Variants in TMEM258 observed in about 807,000 individuals in gnomAD.
TMEM258 encodes dolichyl-diphosphooligosaccharide--protein glycosyltransferase subunit TMEM258.
Under a neutral mutation model 9.9 loss-of-function variants are expected in TMEM258, and 11 were observed. That is an observed-to-expected ratio of 1.11 (90% CI 0.70 to 1.85). TMEM258 has a LOEUF of 1.85. Among genes scored for constraint, TMEM258 ranks in the 40% most tolerant of loss-of-function variants. The probability of loss-of-function intolerance (pLI) is 0.00; values close to 1 mark genes in which losing one functional copy is unlikely to be tolerated. For synonymous variants in TMEM258, 40 were observed against 39.1 expected (o/e 1.02, Z -0.09); for missense variants, 81 against 99.7 (o/e 0.81, Z 0.80).
intron 1 of TMEM258, among the ~76,000 whole-genome samples, chr11:61,790,994 C>T (rs766144647): frequency 6.6e-5 from 10 of 152,176 alleles, no homozygotes; most frequent in South Asian, 2.1e-4. Context: ...CTCTGTCGCC[C>T]GGGCTGGAGG....
At chr11:61,791,155 C>T (rs146634293) in intron 1 of TMEM258, among the ~76,000 whole-genome samples, 5 of 152,244 alleles carry the variant, frequency 3.3e-5, no homozygotes, top group African/African-American at 9.6e-5. Context: ...GGGGTTTTGC[C>T]ATGCTGGCCA....
rs36203061 is a variant in TMEM258 at position 61,790,942 on chromosome 11, CT to C, written c.4-341del. ...ACTGGTGGTACCCAGATCTCAATAT[CT>C]TTTTTTTTTGACGGAGTCTCATTTT... On this transcript the variant is annotated intron_variant, in intron 1 of 3. Coordinates refer to ENST00000537328, the MANE Select transcript of TMEM258 (RefSeq NM_014206.4). Among the ~76,000 whole-genome samples, 850 of 149,608 alleles carry C rather than the reference CT, an allele frequency of 5.7e-3. 6 individuals carry two copies. The highest frequency in any genetic ancestry group is 0.019 in the African/African-American group (794 of 40,898).
chr11:61,791,386 C>G (rs1209073342), intron 1 of TMEM258: 1 of 152,022 alleles, frequency 6.6e-6, no homozygotes, highest in Non-Finnish European at 1.5e-5. Context: ...CCTCAGCCTC[C>G]CGAGCAGCTG....
At chr11:61,790,798 G>A (rs1180184455) in intron 1 of TMEM258, among the ~76,000 whole-genome samples, 196 bp from the exon 2 acceptor site, 1 of 152,132 alleles carries the variant, frequency 6.6e-6, no homozygotes, top group Admixed American at 6.5e-5. Context: ...CGTGACTAAA[G>A]GTACGAACTC....
chr11:61,790,727 G>T, intron 1 of TMEM258, 125 bp from the exon 2 acceptor site: 1 of 747,588 alleles, frequency 1.3e-6, no homozygotes, highest in Non-Finnish European at 2.1e-6. Context: ...CGGAAATGTA[G>T]CTGCAGATCA....
chr11:61,792,400 A>G (rs1331435432), intron 1 of TMEM258, 156 bp downstream of exon 1: 2 of 1,080,360 alleles, frequency 1.9e-6, no homozygotes, highest in Non-Finnish European at 2.8e-6. Context: ...AGTTCATGGC[A>G]AGGGGCTTCC....
At chr11:61,791,704 A>G (rs971581540) in intron 1 of TMEM258, 1 of 152,260 alleles carries the variant, frequency 6.6e-6, no homozygotes, top group African/African-American at 2.4e-5. Flanking sequence ...GAACTGAAAA[A>G]TAAGAAAGAT....
intron 1 of TMEM258, 123 bp from the exon 2 acceptor site, chr11:61,790,725 T>C (rs907854234): frequency 2.7e-6 from 2 of 752,222 alleles, no homozygotes; most frequent in Non-Finnish European, 4.3e-6. Context: ...CCCGGAAATG[T>C]AGCTGCAGAT....
intron 2 of TMEM258, 85 bp from the exon 3 acceptor site, chr11:61,790,006 T>G: frequency 6.6e-7 from 1 of 1,507,472 alleles, no homozygotes; most frequent in Non-Finnish European, 8.9e-7. Context: ...GAGAAAAGCA[T>G]TGGCTCAATG....
rs759823178 is a variant in TMEM258, at chr11:61,790,600, C to T, written c.6G>A (p.Glu2=). The stretch of plus-strand genomic sequence containing the variant: ...TGGTATATCTGCTCATGGCCTCGAG[C>T]TCCTAGAGGAGGGAAAGAGATCAGA... The part of the protein sequence containing the change: M[E]LEAMSRYTSP... Residue 2 remains glutamate, a splice_region_variant and synonymous_variant, in exon 2 of 4, where the codon GAG becomes GAA. Transcript: ENST00000537328. The T allele has an allele frequency of 6.2e-7, 1 of 1,612,736 alleles. No homozygotes were observed. The highest frequency in any genetic ancestry group is 1.3e-5 in the African/African-American group (1 of 74,898).
chr11:61,790,132 T>A, intron 2 of TMEM258: 2 of 626,750 alleles, frequency 3.2e-6, no homozygotes, highest in Non-Finnish European at 5.4e-6. Flanking sequence ...TTAGGTCACT[T>A]GCCCCAGGTC....
At chr11:61,790,189 G>A in intron 2 of TMEM258, 1 of 568,780 alleles carries the variant, frequency 1.8e-6, no homozygotes, top group Non-Finnish European at 3.1e-6. Context: ...CAGACCTCCT[G>A]ACACCTGAGT....
chr11:61,790,549 G>A lies in TMEM258; in HGVS notation c.57C>T (p.Pro19=). The change falls in exon 2 of 4, where the codon CCC becomes CCT. Residue 19 remains proline, a synonymous_variant. Transcript: ENST00000537328. ...TGGCCAAAAGCACCACGGTCAGATGGGGGAAGACAGCTGGGTTCACTGGGC... is the reference window on the plus strand; with the variant it reads ...TGGCCAAAAGCACCACGGTCAGATGAGGGAAGACAGCTGGGTTCACTGGGC... ...YTSPVNPAVF[P]HLTVVLLAIG... is the part of the protein sequence containing the mutation. 1 of 1,614,156 alleles carries A rather than the reference G, an allele frequency of 6.2e-7. No individual in the cohort carries two copies. The highest frequency in any genetic ancestry group is 8.5e-7 in the Non-Finnish European group (1 of 1,180,018).
intron 2 of TMEM258, 23 bp downstream of exon 2, chr11:61,790,470 C>G (rs2066775944): frequency 6.2e-7 from 1 of 1,605,226 alleles, no homozygotes; most frequent in African/African-American, 1.3e-5. Flanking sequence ...TGCTGGTCCT[C>G]TGGCTGCTCA....
chr11:61,791,210 C>T (rs2066781647), intron 1 of TMEM258, among the ~76,000 whole-genome samples: 1 of 151,802 alleles, frequency 6.6e-6, no homozygotes, highest in Admixed American at 6.6e-5. Flanking sequence ...CCTGCCTCGG[C>T]CTCCCAAAGT....
chr11:61,790,289 C>T, intron 2 of TMEM258: 1 of 610,426 alleles, frequency 1.6e-6, no homozygotes, highest in Non-Finnish European at 2.9e-6. Context: ...TCCTGGAAAT[C>T]CAAAGAACAA....
At chr11:61,789,672 A>C (rs577830172) in intron 3 of TMEM258, 113 bp downstream of exon 3, 1 of 1,276,530 alleles carries the variant, frequency 7.8e-7, no homozygotes, top group East Asian at 2.6e-5. Flanking sequence ...TGTCTCCATC[A>C]ACCAAGGGGT....
At chr11:61,789,752 A>G in intron 3 of TMEM258, 33 bp downstream of exon 3, 1 of 1,582,862 alleles carries the variant, frequency 6.3e-7, no homozygotes, top group Non-Finnish European at 8.6e-7. Flanking sequence ...TGTGCCTTGG[A>G]GGCTCACGCA....
Position 61,789,864 on chromosome 11 carries a change from G to C in TMEM258, c.171C>G (p.Ser57=). The change falls in exon 3 of 4, where the codon TCC becomes TCG. Residue 57 remains serine, a synonymous_variant. Transcript: ENST00000537328. The part of the protein sequence containing the change: ...TRDIYKELLI[S]LVASLFMGFG... The stretch of plus-strand genomic sequence containing the variant: ...AGCCCATGAAGAGTGAGGCCACTAA[G>C]GAGATGAGGAGCTCTTTATAGATAT... The C allele has an allele frequency of 6.2e-7, 1 of 1,613,674 alleles. No homozygotes were observed. The highest frequency in any genetic ancestry group is 8.5e-7 in the Non-Finnish European group (1 of 1,179,790).
Sources: gnomAD v4.1 joint callset for allele counts (sites outside exome capture counted in the v4.1 genomes callset) on GRCh38, gnomAD v4.1.1 for gene constraint, MANE v1.5 for transcripts, NCBI Gene and HGNC (gene_info 2026-07-23, HGNC 2026-07-21) for gene names.